The following ABCC1 variants were observed in gnomAD, a reference collection of about 807,000 sequenced individuals.
ABCC1 encodes multidrug resistance-associated protein 1.
ABCC1 carries 83 observed loss-of-function variants against 172.9 expected under a neutral mutation model. The ratio of observed to expected loss-of-function variants is 0.48; its 90% confidence interval spans 0.40 to 0.58. ABCC1 has a LOEUF of 0.58. Ranked by LOEUF, ABCC1 falls within the 20% of genes least tolerant of loss-of-function variation. The pLI is 0.00. For synonymous variants in ABCC1, 937 were observed against 825.2 expected, an observed-to-expected ratio of 1.14 and a Z score of -2.32; for missense variants, 1,817 against 2,002.7, an observed-to-expected ratio of 0.91 and a Z score of 1.77.
intron 29 of ABCC1, 64 bp from the exon 30 acceptor site, chr16:16,138,300 C>T: frequency 1.3e-6 from 2 of 1,484,370 alleles, no homozygotes; most frequent in African/African-American, 1.4e-5. Flanking sequence ...CAGCCTGGGC[C>T]TAGGTTCAGG....
chr16:16,052,113 C>T (rs968530397), intron 10 of ABCC1, among the ~76,000 whole-genome samples: 1 of 152,094 alleles, frequency 6.6e-6, no homozygotes, highest in Non-Finnish European at 1.5e-5. Flanking sequence ...AGTGTAGTCA[C>T]AGCTACTTGG....
At position 16,045,932 on chromosome 16, in the gene ABCC1, C is replaced by G. The variant is rs528197968; in HGVS notation, c.1137C>G (p.Leu379=). 6.2e-7 allele frequency: 1 copy of G among 1,614,046 alleles called. No individual in the cohort carries two copies. The highest frequency in any genetic ancestry group is 8.5e-7 in the Non-Finnish European group (1 of 1,180,046). Reference sequence around the variant, plus strand: ...TTGTCACTGCCTGCCTGCAGACCCTCGTGCTGCACCAGTACTTCCACATCT... The same window carrying G: ...TTGTCACTGCCTGCCTGCAGACCCTGGTGCTGCACCAGTACTTCCACATCT... ...LLFVTACLQT[L]VLHQYFHICF... The change falls in exon 9 of 31, where the codon CTC becomes CTG. Residue 379 remains leucine (L), a synonymous_variant. Coordinates refer to ENST00000399410, the MANE Select transcript of ABCC1 (RefSeq NM_004996.4).
intron 26 of ABCC1, among the ~76,000 whole-genome samples, chr16:16,131,533 A>G (rs539443604): frequency 1.0e-3 from 155 of 152,316 alleles, no homozygotes; most frequent in African/African-American, 3.6e-3. Context: ...GGGGACAGGC[A>G]GTGCCCTGAA....
intron 1 of ABCC1, among the ~76,000 whole-genome samples, chr16:16,007,013 C>A (rs929788591): frequency 6.6e-6 from 1 of 151,922 alleles, no homozygotes; most frequent in African/African-American, 2.4e-5. Context: ...ATTAGAAAGT[C>A]CTCAGTTCAC....
intron 15 of ABCC1, among the ~76,000 whole-genome samples, chr16:16,077,402 C>T (rs1362997187): frequency 6.6e-6 from 1 of 152,170 alleles, no homozygotes; most frequent in African/African-American, 2.4e-5. Flanking sequence ...TCTTGTTGAG[C>T]TGCACAACTA....
intron 23 of ABCC1, among the ~76,000 whole-genome samples, chr16:16,117,625 C>A (rs2044949908): frequency 1.3e-5 from 2 of 152,136 alleles, no homozygotes; most frequent in Non-Finnish European, 2.9e-5. Context: ...TTCAGTTGGG[C>A]CTAGGCACGG....
intron 1 of ABCC1, among the ~76,000 whole-genome samples, chr16:15,991,588 G>A (rs1165869806): frequency 6.6e-6 from 1 of 151,928 alleles, no homozygotes; most frequent in Non-Finnish European, 1.5e-5. Context: ...TTCATTAGGT[G>A]GATCAGTGAA....
intron 19 of ABCC1, among the ~76,000 whole-genome samples, chr16:16,101,779 G>C (rs1210686181): frequency 1.3e-5 from 2 of 152,188 alleles, no homozygotes; most frequent in African/African-American, 2.4e-5. Context: ...CGGTGCCCAA[G>C]TGCACTTGAT....
chr16:16,007,111 C>T (rs1003253442), intron 1 of ABCC1, among the ~76,000 whole-genome samples: 1 of 151,962 alleles, frequency 6.6e-6, no homozygotes, highest in African/African-American at 2.4e-5. Context: ...CTCCATCTTT[C>T]GTACTACAGT....
At position 16,124,888 on chromosome 16, in the gene ABCC1, G is replaced by A. The variant is rs190378053; in HGVS notation, c.3690G>A (p.Val1230=). The A allele has an allele frequency of 1.1e-4, 183 of 1,614,202 alleles. 1 individual carries two copies. The African/African-American group carries it at 2.2e-3, about 20-fold the overall frequency. Residue 1230 remains valine (V), a synonymous_variant, in exon 25 of 31, where the codon GTG becomes GTA. Transcript: ENST00000399410. ...GGCACAGCCTCAGTGCTGGCTTGGT[G>A]GGCCTCTCAGTGTCTTACTCATTGC... The part of the protein sequence containing the change: ...ISRHSLSAGL[V]GLSVSYSLQV...
At chr16:16,063,862 G>A (rs1039328122) in intron 12 of ABCC1, among the ~76,000 whole-genome samples, 18 of 152,286 alleles carry the variant, frequency 1.2e-4, no homozygotes, top group African/African-American at 4.3e-4. Context: ...GAGTCTCATT[G>A]GTTGTGGTCG....
intron 20 of ABCC1, among the ~76,000 whole-genome samples, chr16:16,104,655 G>A (rs540088109): frequency 2.1e-4 from 32 of 152,330 alleles, no homozygotes; most frequent in African/African-American, 5.8e-4. Flanking sequence ...TGCCAGTCCC[G>A]TGCCGTGCGC....
chr16:16,087,953 G>A (rs188040767), intron 18 of ABCC1, among the ~76,000 whole-genome samples: 22 of 152,150 alleles, frequency 1.4e-4, no homozygotes, highest in Admixed American at 5.2e-4. Context: ...AGGAAACATC[G>A]TGCTACATGA....
intron 1 of ABCC1, among the ~76,000 whole-genome samples, chr16:15,960,123 T>A (rs1390781148): frequency 6.6e-6 from 1 of 152,204 alleles, no homozygotes; most frequent in East Asian, 1.9e-4. Context: ...GGATGGAGTC[T>A]TGTTCTGTCG....
chr16:16,122,407 G>T (rs1413737404), intron 24 of ABCC1, among the ~76,000 whole-genome samples: 1 of 152,120 alleles, frequency 6.6e-6, no homozygotes, highest in Non-Finnish European at 1.5e-5. Flanking sequence ...AGCTCTTCTG[G>T]AGTCAGAAAG....
intron 1 of ABCC1, among the ~76,000 whole-genome samples, chr16:15,990,802 G>C (rs865898356): frequency 6.8e-6 from 1 of 146,764 alleles, no homozygotes; most frequent in African/African-American, 2.5e-5. Flanking sequence ...GGTGCCTGCC[G>C]CCACGCCCGG....
In ABCC1 at chr16:16,044,670, C is replaced by G; in HGVS notation, c.1030C>G (p.Gln344Glu). The G allele has an allele frequency of 3.1e-6, 5 of 1,614,064 alleles. No homozygotes were observed. Among genetic ancestry groups the G allele is most frequent in the Non-Finnish European group, 4.2e-6 (5 of 1,179,952 alleles). The part of the protein sequence containing the change: ...IHDLMMFSGP[Q>E]ILKLLIKFVN... ...CGACCTGATGATGTTTTCCGGGCCGCAGATCTTAAAGTAAGACCCCTTCCC... is the reference window on the plus strand; with the variant it reads ...CGACCTGATGATGTTTTCCGGGCCGGAGATCTTAAAGTAAGACCCCTTCCC... The change falls in exon 8 of 31, where the codon CAG becomes GAG. Residue 344 changes from glutamine (Q) to glutamate (E), a missense_variant. Coordinates refer to ENST00000399410, the MANE Select transcript of ABCC1 (RefSeq NM_004996.4).
chr16:16,002,930 G>A (rs1378023459), intron 1 of ABCC1, among the ~76,000 whole-genome samples: 1 of 152,176 alleles, frequency 6.6e-6, no homozygotes, highest in East Asian at 1.9e-4. Context: ...TTGCCTGTAG[G>A]GTAGCAATGG....
chr16:16,122,225 T>C, intron 24 of ABCC1, 51 bp downstream of exon 24: 12 of 1,591,094 alleles, frequency 7.5e-6, no homozygotes, highest in Non-Finnish European at 1.0e-5. Flanking sequence ...CCTTAGCACC[T>C]TGTCTCTTTG....
Sources: gnomAD v4.1 joint callset for allele counts (sites outside exome capture counted in the v4.1 genomes callset) on GRCh38, gnomAD v4.1.1 for gene constraint, MANE v1.5 for transcripts, NCBI Gene and HGNC (gene_info 2026-07-23, HGNC 2026-07-21) for gene names.